ZFPM2: variants seen among roughly 807,000 people sequenced by gnomAD.
ZFPM2 encodes zinc finger protein, FOG family member 2.
A neutral mutation model predicts 98.6 loss-of-function variants in ZFPM2; 20 were observed. The observed-to-expected ratio is 0.20, with a 90% CI of 0.14 to 0.29. The LOEUF is 0.29. Among genes scored for constraint, ZFPM2 ranks in the 10% least tolerant of loss-of-function variants. The pLI is 1.00. For missense variants in ZFPM2, 1,310 were observed against 1,388.6 expected (o/e 0.94, Z 0.90); for synonymous variants, 518 against 502.7 (o/e 1.03, Z -0.41).
chr8:105,717,370 A>T (rs1317787140), intron 5 of ZFPM2, among the ~76,000 whole-genome samples: 1 of 151,984 alleles, frequency 6.6e-6, no homozygotes, highest in Non-Finnish European at 1.5e-5. Context: ...TTCTCTGATA[A>T]CATCAGTATT....
intron 3 of ZFPM2, among the ~76,000 whole-genome samples, chr8:105,510,134 C>G (rs993347105): frequency 6.6e-6 from 1 of 152,114 alleles, no homozygotes; most frequent in Admixed American, 6.6e-5. Flanking sequence ...GCTGTTCATA[C>G]CCTTTATGTG....
At chr8:105,664,733 T>A (rs1366021056) in intron 5 of ZFPM2, among the ~76,000 whole-genome samples, 3 of 152,210 alleles carry the variant, frequency 2.0e-5, no homozygotes, top group African/African-American at 7.2e-5. Flanking sequence ...TACTTTAAAT[T>A]GTTTTTGTTC....
At chr8:105,738,707 C>G (rs1812146129) in intron 5 of ZFPM2, among the ~76,000 whole-genome samples, 1 of 152,008 alleles carries the variant, frequency 6.6e-6, no homozygotes, top group East Asian at 1.9e-4. Context: ...CTCATAATAG[C>G]CATCCTGACT....
chr8:105,738,304 G>A (rs1812131279), intron 5 of ZFPM2, among the ~76,000 whole-genome samples: 1 of 151,952 alleles, frequency 6.6e-6, no homozygotes, highest in Non-Finnish European at 1.5e-5. Flanking sequence ...AGTTTGCTAA[G>A]GATAGTGGTC....
chr8:105,756,899 A>G (rs925233268), intron 5 of ZFPM2, among the ~76,000 whole-genome samples: 2 of 152,172 alleles, frequency 1.3e-5, no homozygotes, highest in Admixed American at 1.3e-4. Flanking sequence ...CGATGCCGTG[A>G]TACCTGGGGC....
At chr8:105,448,353 A>G (rs564580329) in intron 3 of ZFPM2, among the ~76,000 whole-genome samples, 2 of 151,692 alleles carry the variant, frequency 1.3e-5, no homozygotes, top group South Asian at 2.1e-4. Context: ...CTTTTCTTTG[A>G]TTGTCCTCAC....
intron 5 of ZFPM2, among the ~76,000 whole-genome samples, chr8:105,778,847 A>G (rs567692351): frequency 2.8e-4 from 42 of 151,300 alleles, no homozygotes; most frequent in Non-Finnish European, 4.9e-4. Context: ...CACAAAAATT[A>G]CCCATGGTAA....
At chr8:105,711,197 T>G (rs1811387475) in intron 5 of ZFPM2, among the ~76,000 whole-genome samples, 1 of 152,148 alleles carries the variant, frequency 6.6e-6, no homozygotes, top group South Asian at 2.1e-4. Flanking sequence ...TCTAAAATAT[T>G]CAGTATATGC....
chr8:105,658,355 G>C lies in ZFPM2; in HGVS notation c.532+23998G>C, dbSNP rs1817324692. ...TGTAATCCCAGCACTTTGGGAGGCC[G>C]AGGCGGGTGGATCACGAGGTCAGGA... On this transcript the variant is annotated intron_variant, in intron 5 of 7. Coordinates refer to ENST00000407775, the MANE Select transcript of ZFPM2 (RefSeq NM_012082.4). Among the ~76,000 whole-genome samples the C allele has an allele frequency of 4.7e-5, 2 of 42,216 alleles. 1 individual carries two copies. Among genetic ancestry groups the C allele is most frequent in the Admixed American group, 4.6e-4 (2 of 4,344 alleles). 27.7% of individuals were successfully genotyped at this position (42,216 alleles called of 152,430 possible).
intron 5 of ZFPM2, among the ~76,000 whole-genome samples, chr8:105,733,720 T>C (rs1328462788): frequency 6.6e-6 from 1 of 151,850 alleles, no homozygotes; most frequent in Non-Finnish European, 1.5e-5. Context: ...TAGATTAAAT[T>C]CTATTTACTT....
At chr8:105,528,233 G>A (rs1443638795) in intron 3 of ZFPM2, among the ~76,000 whole-genome samples, 1 of 152,006 alleles carries the variant, frequency 6.6e-6, no homozygotes, top group African/African-American at 2.4e-5. Flanking sequence ...ATCTGGGGTG[G>A]GCTCTAAGAT....
At chr8:105,411,186 C>A (rs1260575817) in intron 1 of ZFPM2, among the ~76,000 whole-genome samples, 1 of 151,692 alleles carries the variant, frequency 6.6e-6, no homozygotes, top group Non-Finnish European at 1.5e-5. Context: ...TATTAAGTGC[C>A]TTGGCTAAAT....
intron 1 of ZFPM2, among the ~76,000 whole-genome samples, chr8:105,355,680 G>A (rs186675188): frequency 1.3e-5 from 2 of 152,220 alleles, no homozygotes; most frequent in East Asian, 3.9e-4. Flanking sequence ...AATGACAAGA[G>A]ATTGCTCACA....
intron 5 of ZFPM2, among the ~76,000 whole-genome samples, chr8:105,752,713 A>G (rs901687987): frequency 1.3e-5 from 2 of 152,238 alleles, no homozygotes; most frequent in Non-Finnish European, 2.9e-5. Flanking sequence ...TGTGCTTCCA[A>G]CCCTAACCTC....
At chr8:105,589,699 A>G (rs1003425339) in intron 4 of ZFPM2, among the ~76,000 whole-genome samples, 2 of 151,766 alleles carry the variant, frequency 1.3e-5, no homozygotes, top group Admixed American at 6.6e-5. Context: ...TATTCTCTTC[A>G]TTTTTGGCAC....
At chr8:105,441,457 A>AGGAAGGAAGGAAGGAAGGAAGGAAGGAAG (rs1563659926) in intron 2 of ZFPM2, among the ~76,000 whole-genome samples, 3 of 81,828 alleles carry the variant, frequency 3.7e-5, no homozygotes, top group African/African-American at 1.5e-4. Flanking sequence ...AGAGAGAGAA[A>AGGAAGGAAGGAAGGAAGGAAGGAAGGAAG]GAAAGAAAGA....
intron 5 of ZFPM2, among the ~76,000 whole-genome samples, chr8:105,712,715 C>T (rs1811433149): frequency 6.6e-6 from 1 of 152,142 alleles, no homozygotes; most frequent in Non-Finnish European, 1.5e-5. Context: ...TCCCTGCACT[C>T]TCCTTTTGGA....
intron 5 of ZFPM2, among the ~76,000 whole-genome samples, chr8:105,668,732 A>G: frequency 6.6e-6 from 1 of 152,240 alleles, no homozygotes; most frequent in South Asian, 2.1e-4. Context: ...CTTAATACTC[A>G]GCAAGAATGT....
chr8:105,649,125 G>A (rs546223887), intron 5 of ZFPM2, among the ~76,000 whole-genome samples: 24 of 152,078 alleles, frequency 1.6e-4, no homozygotes, highest in South Asian at 1.5e-3. Context: ...TAGGTATTTT[G>A]TTCTCTTTGA....
Sources: gnomAD v4.1 joint callset for allele counts (sites outside exome capture counted in the v4.1 genomes callset) on GRCh38, gnomAD v4.1.1 for gene constraint, MANE v1.5 for transcripts, NCBI Gene and HGNC (gene_info 2026-07-23, HGNC 2026-07-21) for gene names.